Variants in WSCD2 observed in about 807,000 individuals in gnomAD.
WSCD2 encodes WSC domain sialate O sulfotransferase 2.
Under a neutral mutation model 55.7 loss-of-function variants are expected in WSCD2, and 28 were observed. The observed-to-expected ratio is 0.50, with a 90% confidence interval of 0.37 to 0.69. WSCD2 has a LOEUF of 0.69. Ranked by LOEUF, WSCD2 falls within the 30% of genes least tolerant of loss-of-function variation. The probability of loss-of-function intolerance (pLI) is 0.00; values close to 1 mark genes in which losing one functional copy is unlikely to be tolerated. For missense variants in WSCD2, 616 were observed against 762.1 expected (o/e 0.81, Z 2.26); for synonymous variants, 301 against 301.9 (o/e 1.00, Z 0.03).
At chr12:108,148,972 G>T (rs973363140) in intron 1 of WSCD2, among the ~76,000 whole-genome samples, 3 of 152,152 alleles carry the variant, frequency 2.0e-5, no homozygotes, top group East Asian at 1.9e-4. Context: ...GGGGGTCAAG[G>T]AGACACAACC....
Position 108,195,909 on chromosome 12 carries a change from A to T in WSCD2, c.77A>T (p.Tyr26Phe). The change falls in exon 2 of 9, where the codon TAC becomes TTC. Residue 26 changes from tyrosine (Y) to phenylalanine (F), a missense_variant. This residue lies in a region of WSCD2 where 374 missense variants were observed against 467.4 expected (regional missense o/e 0.80). Transcript: ENST00000547525. ...PVRFFTFLALYLTAGSLVFLH... is the reference protein window; with the variant it reads ...PVRFFTFLALFLTAGSLVFLH... ...CGCTTCTTTACCTTCCTGGCACTCT[A>T]CCTGACTGCTGGGAGCCTTGTCTTC... is the stretch of plus-strand genomic sequence containing the variant. 6.2e-7 allele frequency: 1 copy of T among 1,614,060 alleles called. No homozygotes were observed. The highest frequency in any genetic ancestry group is 1.1e-5 in the South Asian group (1 of 91,074).
rs188805721 is a variant in WSCD2, at chr12:108,230,588, G to T, written c.980-2143G>T. Among the ~76,000 whole-genome samples the T allele has an allele frequency of 3.2e-4, 48 of 152,320 alleles. 1 individual carries two copies. Among genetic ancestry groups the T allele is most frequent in the African/African-American group, 1.1e-3 (45 of 41,572 alleles). On this transcript the variant is annotated intron_variant, in intron 6 of 8. Coordinates refer to ENST00000547525, the MANE Select transcript of WSCD2 (RefSeq NM_014653.4). ...TATGTCACCCAAAAAGTAAGTGGAA[G>T]AATTGGAATTTAAATCTAGGACTTC...
intron 2 of WSCD2, among the ~76,000 whole-genome samples, chr12:108,200,606 G>A (rs942067605): frequency 2.0e-5 from 3 of 152,228 alleles, no homozygotes; most frequent in Non-Finnish European, 4.4e-5. Flanking sequence ...CTCAGAGGAA[G>A]AAGCTGTGCT....
intron 1 of WSCD2, among the ~76,000 whole-genome samples, chr12:108,180,698 A>G (rs1363557260): frequency 6.6e-6 from 1 of 152,268 alleles, no homozygotes; most frequent in Admixed American, 6.5e-5. Context: ...AGAAAGAAGG[A>G]AAGTTTGAGA....
intron 1 of WSCD2, among the ~76,000 whole-genome samples, chr12:108,186,947 G>A (rs892402598): frequency 5.9e-5 from 9 of 152,024 alleles, no homozygotes; most frequent in African/African-American, 1.2e-4. Flanking sequence ...TCTCTTCTTT[G>A]TCTCGGTTCA....
chr12:108,130,228 C>T (rs910192002), intron 1 of WSCD2, among the ~76,000 whole-genome samples: 1 of 152,194 alleles, frequency 6.6e-6, no homozygotes, highest in Non-Finnish European at 1.5e-5. Context: ...GCTTCTCCCG[C>T]GGAGGTGGGC....
chr12:108,236,234 T>G lies in WSCD2; in HGVS notation c.1144+3339T>G, dbSNP rs531187158. 6.6e-5 allele frequency among the ~76,000 whole-genome samples: 10 copies of G among 152,318 alleles called. No homozygotes were observed. The South Asian group carries it at 2.1e-3, about 32-fold the overall frequency. ...TCCCCTGCCCCTGGAGACCTCAGTT[T>G]CCTGCTCTGTGAGAAGCATGTATCA... On this transcript the variant is annotated intron_variant, in intron 7 of 8. Coordinates refer to ENST00000547525, the MANE Select transcript of WSCD2 (RefSeq NM_014653.4).
In WSCD2 at chr12:108,248,604, C is replaced by A; in HGVS notation, c.*261C>A. The stretch of plus-strand genomic sequence containing the variant: ...TTAGGGGGTTCTAGTTACATGGACT[C>A]TTTTCTGTCTCCTGGGTCCCTGCCC... On this transcript the variant is annotated 3_prime_UTR_variant, in exon 9 of 9. Transcript: ENST00000547525. This position sits in a 1 kb window ranked among gnomAD's most constrained non-coding sequence, Gnocchi z 4.3. The A allele has an allele frequency of 1.6e-6, 2 of 1,240,132 alleles. No homozygotes were observed. The highest frequency in any genetic ancestry group is 2.0e-6 in the Non-Finnish European group (2 of 985,128). 76.8% of individuals were successfully genotyped at this position (1,240,132 alleles called of 1,614,324 possible).
intron 1 of WSCD2, among the ~76,000 whole-genome samples, chr12:108,137,573 G>A (rs1468519012): frequency 6.6e-6 from 1 of 152,218 alleles, no homozygotes; most frequent in Non-Finnish European, 1.5e-5. Context: ...ACGAAGCATG[G>A]AAATAAAAGA....
chr12:108,159,181 A>G (rs1878819535), intron 1 of WSCD2, among the ~76,000 whole-genome samples: 1 of 152,100 alleles, frequency 6.6e-6, no homozygotes, highest in Admixed American at 6.5e-5. Flanking sequence ...TCTTAATAGG[A>G]CATCATCTTC....
chr12:108,197,934 T>C (rs1175322623), intron 2 of WSCD2, among the ~76,000 whole-genome samples: 1 of 149,088 alleles, frequency 6.7e-6, no homozygotes, highest in African/African-American at 2.5e-5. Context: ...GCCTTCTATC[T>C]GGGATGCCGT....
chr12:108,244,534 G>A (rs1301041244), intron 8 of WSCD2: 5 of 702,852 alleles, frequency 7.1e-6, no homozygotes, highest in African/African-American at 3.5e-5. Context: ...GCCGTACCAG[G>A]ATCTTTGCAA....
rs187550758 is a variant in WSCD2, at chr12:108,196,170, G to A, written c.338G>A (p.Arg113Gln). 162 of 1,614,076 alleles carry A rather than the reference G, an allele frequency of 1.0e-4. No individual in the cohort carries two copies. The highest frequency in any genetic ancestry group is 1.3e-4 in the Non-Finnish European group (148 of 1,180,002). ...KLGDYGGAWS[R>Q]ALKGRVVREK... ...GGCGACTACGGTGGAGCCTGGAGCC[G>A]AGCCCTCAAGGGGAGGGTTGTCCGG... The change falls in exon 2 of 9, where the codon CGA becomes CAA. Residue 113 changes from arginine (R) to glutamine (Q), a missense_variant. By Grantham distance (43) the Arg-to-Gln change is conservative. This residue lies in a region of WSCD2 where 374 missense variants were observed against 467.4 expected (regional missense o/e 0.80). Transcript: ENST00000547525.
Position 108,248,388 on chromosome 12 carries a change from A to G in WSCD2, c.*45A>G, listed in dbSNP as rs181768524. On this transcript the variant is annotated 3_prime_UTR_variant, in exon 9 of 9. Coordinates refer to ENST00000547525, the MANE Select transcript of WSCD2 (RefSeq NM_014653.4). The surrounding 1 kb of genome is among the most constrained non-coding windows in gnomAD (Gnocchi z 4.3). ...GGTAGACTGGGAGTCCTGACCACGC[A>G]GGCCCTGGGGACTCAAGACCCCTGG... 211 of 1,575,548 alleles carry G rather than the reference A, an allele frequency of 1.3e-4. 1 individual carries two copies. The African/African-American group carries it at 2.1e-3, about 16-fold the overall frequency.
chr12:108,154,963 C>T (rs1022358425), intron 1 of WSCD2, among the ~76,000 whole-genome samples: 1 of 152,040 alleles, frequency 6.6e-6, no homozygotes. Context: ...CTAGAAGTAC[C>T]ACGTGAGACA....
chr12:108,144,500 T>G (rs1029688163), intron 1 of WSCD2, among the ~76,000 whole-genome samples: 6 of 152,168 alleles, frequency 3.9e-5, no homozygotes, highest in Admixed American at 2.0e-4. Context: ...AGAAGGTAAT[T>G]CAGCTGTCGT....
At chr12:108,207,186 C>T (rs1328208236) in intron 3 of WSCD2, among the ~76,000 whole-genome samples, 4 of 152,094 alleles carry the variant, frequency 2.6e-5, no homozygotes, top group African/African-American at 9.7e-5. Context: ...AGCTGAGCTT[C>T]TCTCCTTGTT....
At chr12:108,145,794 A>G (rs1289305521) in intron 1 of WSCD2, among the ~76,000 whole-genome samples, 2 of 152,248 alleles carry the variant, frequency 1.3e-5, no homozygotes, top group Admixed American at 6.5e-5. Flanking sequence ...AGCAGTGACA[A>G]TGAACAACCT....
At chr12:108,222,753 CTTTT>C (rs1887675100) in intron 4 of WSCD2, among the ~76,000 whole-genome samples, 2 of 152,118 alleles carry the variant, frequency 1.3e-5, no homozygotes, top group Admixed American at 6.6e-5. Flanking sequence ...CTTGGCTTCA[CTTTT>C]TTTGTCTTTA....
Sources: gnomAD v4.1 joint callset for allele counts (sites outside exome capture counted in the v4.1 genomes callset) on GRCh38, gnomAD v4.1.1 for gene constraint, gnomAD v4.1.1 regional missense constraint, Gnocchi (gnomAD v3.1) non-coding constraint, MANE v1.5 for transcripts, NCBI Gene and HGNC (gene_info 2026-07-23, HGNC 2026-07-21) for gene names.